Variants in BAHCC1 observed in about 807,000 individuals in gnomAD.
BAHCC1 encodes BAH domain and coiled-coil containing 1.
In BAHCC1, 43 loss-of-function variants were observed where a neutral mutation model predicts 88.2. The observed-to-expected ratio is 0.49, with a 90% confidence interval of 0.38 to 0.63. The LOEUF is 0.63. Ranked by LOEUF, BAHCC1 falls within the 20% of genes least tolerant of loss-of-function variation. The pLI is 0.00. For synonymous variants in BAHCC1, 1,510 were observed against 745.5 expected, an observed-to-expected ratio of 2.03 and a Z score of -16.71; for missense variants, 3,023 against 1,654.8, an observed-to-expected ratio of 1.83 and a Z score of -14.34.
intron 2 of BAHCC1, among the ~76,000 whole-genome samples, chr17:81,404,050 C>A (rs569784098): frequency 1.3e-5 from 2 of 152,228 alleles, no homozygotes; most frequent in Non-Finnish European, 2.9e-5. Context: ...GGAAAACGCG[C>A]GTCCCCCCAA....
chr17:81,460,488 C>T (rs781808163), intron 24 of BAHCC1, 42 bp from the exon 25 acceptor site: 7 of 728,868 alleles, frequency 9.6e-6, no homozygotes, highest in East Asian at 7.7e-5. Flanking sequence ...GCAGTCACCC[C>T]ACAGCCATGG....
intron 17 of BAHCC1, among the ~76,000 whole-genome samples, 196 bp downstream of exon 17, chr17:81,457,788 A>G (rs1357432264): frequency 1.1e-4 from 4 of 35,308 alleles, no homozygotes; most frequent in South Asian, 1.3e-3. Context: ...CAGGAGGGGG[A>G]GGGCAGGGGT....
rs781991684 is a variant in BAHCC1, at chr17:81,438,482, A to T, written c.471A>T (p.Gly157=). ...TCTATGGGCAGCACCGTTTCTATGGAACCCAAAAAGGCAAGTGCAGCATGG... is the reference window on the plus strand; with the variant it reads ...TCTATGGGCAGCACCGTTTCTATGGTACCCAAAAAGGCAAGTGCAGCATGG... The part of the protein sequence containing the change: ...NVLYGQHRFY[G]TQKDNFYLRN... Residue 157 remains glycine, a synonymous_variant, in exon 4 of 28, where the codon GGA becomes GGT. Coordinates refer to ENST00000675386, the MANE Select transcript of BAHCC1 (RefSeq NM_001377448.1). 1 of 771,372 alleles carries T rather than the reference A, an allele frequency of 1.3e-6. No individual in the cohort carries two copies. The highest frequency in any genetic ancestry group is 2.4e-6 in the Non-Finnish European group (1 of 414,116). The allele number at this position is 771,372 out of a possible 1,614,324, so 47.8% of individuals were successfully genotyped here.
rs2143687526 is a variant in BAHCC1 at position 81,465,292 on chromosome 17, G to C, written c.*1475G>C. ...TGCCACTTGGTGGGGCAGATGGCCTGATGGGCTAGTGCTTGGGGCATAGAA... is the reference window on the plus strand; with the variant it reads ...TGCCACTTGGTGGGGCAGATGGCCTCATGGGCTAGTGCTTGGGGCATAGAA... On this transcript the variant is annotated 3_prime_UTR_variant, in exon 28 of 28. Coordinates refer to ENST00000675386, the MANE Select transcript of BAHCC1 (RefSeq NM_001377448.1). The C allele has an allele frequency of 6.6e-6, 1 of 152,356 alleles. No homozygotes were observed. The highest frequency in any genetic ancestry group is 2.1e-4 in the South Asian group (1 of 4,836). 9.4% of individuals were successfully genotyped at this position (152,356 alleles called of 1,614,324 possible). A position where few individuals can be genotyped will look rare whatever the true frequency, so the allele number is the denominator to read the frequency against.
At chr17:81,403,786 C>T (rs3816662) in intron 2 of BAHCC1, among the ~76,000 whole-genome samples, 15,547 of 152,142 alleles carry the variant, frequency 0.1, 894 homozygotes, top group South Asian at 0.18. Context: ...AAAGTTGCCG[C>T]GAGCCCAAAG....
At chr17:81,429,365 AC>A (rs1197693732) in intron 3 of BAHCC1, among the ~76,000 whole-genome samples, 107 of 151,512 alleles carry the variant, frequency 7.1e-4, no homozygotes, top group African/African-American at 2.5e-3. Context: ...CAGTTGTCCC[AC>A]CCCCCGGGAT....
intron 10 of BAHCC1, among the ~76,000 whole-genome samples, chr17:81,446,396 G>C (rs2064527569): frequency 1.3e-5 from 2 of 151,088 alleles, no homozygotes. Context: ...CCCCTTTTCT[G>C]GTTACCCACA....
intron 1 of BAHCC1, chr17:81,396,907 C>G (rs1417435419): frequency 1.3e-5 from 2 of 152,310 alleles, no homozygotes; most frequent in Non-Finnish European, 2.9e-5. Flanking sequence ...TTACCTCAGC[C>G]CGACCTGGCG....
At chr17:81,427,173 A>G (rs2143415219) in intron 3 of BAHCC1, among the ~76,000 whole-genome samples, 194 bp downstream of exon 3, 1 of 152,270 alleles carries the variant, frequency 6.6e-6, no homozygotes, top group Admixed American at 6.5e-5. Flanking sequence ...GTTGGAAACA[A>G]GGGCAGCCTG....
chr17:81,465,741 A>C lies in BAHCC1; in HGVS notation c.*1924A>C, dbSNP rs1416080176. ...CTGGACCCCCTGAAGGGCCGTTCCCAGAGGCTCCCCAGGAGGCTCAAGGCT... is the reference window on the plus strand; with the variant it reads ...CTGGACCCCCTGAAGGGCCGTTCCCCGAGGCTCCCCAGGAGGCTCAAGGCT... On this transcript the variant is annotated 3_prime_UTR_variant, in exon 28 of 28. Coordinates refer to ENST00000675386, the MANE Select transcript of BAHCC1 (RefSeq NM_001377448.1). 1 of 152,262 alleles carries C rather than the reference A, an allele frequency of 6.6e-6. No individual in the cohort carries two copies. The highest frequency in any genetic ancestry group is 1.5e-5 in the Non-Finnish European group (1 of 68,068). The allele number at this position is 152,262 out of a possible 1,614,324, so 9.4% of individuals were successfully genotyped here.
intron 2 of BAHCC1, chr17:81,406,942 T>G (rs1326018168): frequency 1.1e-5 from 5 of 456,054 alleles, no homozygotes; most frequent in African/African-American, 1.0e-4. Flanking sequence ...AGGAAGTGGG[T>G]TTTTTTCATT....
intron 2 of BAHCC1, among the ~76,000 whole-genome samples, chr17:81,420,100 A>G (rs144312816): frequency 0.012 from 1,821 of 152,064 alleles, 12 homozygotes; most frequent in Non-Finnish European, 0.018. Context: ...CGGCTGCTGG[A>G]CCGACCCTTA....
Position 81,452,747 on chromosome 17 carries a change from T to G in BAHCC1, c.4341T>G (p.Pro1447=). ...GGAGAGACGAGAGTTCACGGAGCCC[T>G]GCACGGCGGGGGCCTGGCCGGCCGA... ...DHERDESSRS[P]ARRGPGRPRK... is the part of the protein sequence containing the mutation. The change falls in exon 14 of 28, where the codon CCT becomes CCG. Residue 1447 remains proline (P), a synonymous_variant. Transcript: ENST00000675386. The G allele has an allele frequency of 1.3e-6, 1 of 751,942 alleles. No homozygotes were observed. Among genetic ancestry groups the G allele is most frequent in the South Asian group, 1.4e-5 (1 of 71,602 alleles). The allele number at this position is 751,942 out of a possible 1,614,324, so 46.6% of individuals were successfully genotyped here.
At chr17:81,395,888 C>T (rs1567987487) in intron 1 of BAHCC1, 1 of 152,068 alleles carries the variant, frequency 6.6e-6, no homozygotes, top group Non-Finnish European at 1.5e-5. Context: ...AAAATTACCC[C>T]CGTAATGCAT....
At chr17:81,460,508 C>G in intron 24 of BAHCC1, 22 bp from the exon 25 acceptor site, 1 of 736,482 alleles carries the variant, frequency 1.4e-6, no homozygotes, top group Non-Finnish European at 2.5e-6. Flanking sequence ...GCACTGAAGC[C>G]CTTGGCCCAT....
rs2063950743 is a variant in BAHCC1, at chr17:81,411,497, TGCC to T, written c.178+11581_178+11583del. The T allele has an allele frequency of 3.2e-6, 1 of 309,006 alleles. No individual in the cohort carries two copies. The highest frequency in any genetic ancestry group is 3.7e-5 in the African/African-American group (1 of 27,212). 19.1% of individuals were successfully genotyped at this position (309,006 alleles called of 1,614,324 possible). A position where few individuals can be genotyped will look rare whatever the true frequency, so the allele number is the denominator to read the frequency against. ...ACCCCTGCCTGCCTGCCTGCCTGCC[TGCC>T]TGCCTGCCTGCCTGCCTTCCTTCCT... On this transcript the variant is annotated intron_variant, in intron 2 of 27. Coordinates refer to ENST00000675386, the MANE Select transcript of BAHCC1 (RefSeq NM_001377448.1). This position sits in a 1 kb window ranked among gnomAD's most constrained non-coding sequence, Gnocchi z 6.2.
chr17:81,418,850 A>T (rs1486390427), intron 2 of BAHCC1, among the ~76,000 whole-genome samples: 3 of 104,456 alleles, frequency 2.9e-5, no homozygotes, highest in African/African-American at 9.3e-5. Context: ...CATCCCAGAC[A>T]TGTAGCACAG....
intron 3 of BAHCC1, among the ~76,000 whole-genome samples, chr17:81,436,269 G>T (rs1205029290): frequency 1.3e-5 from 2 of 152,218 alleles, no homozygotes; most frequent in Non-Finnish European, 2.9e-5. Flanking sequence ...GGGGCCACCA[G>T]CCAAGGCCCA....
intron 3 of BAHCC1, among the ~76,000 whole-genome samples, chr17:81,429,811 C>G (rs2064239863): frequency 6.6e-6 from 1 of 152,180 alleles, no homozygotes; most frequent in Admixed American, 6.5e-5. Context: ...GGCAGGCCAC[C>G]AGGAACCCAG....
Sources: allele counts gnomAD v4.1 joint callset (sites outside exome capture counted in the v4.1 genomes callset), GRCh38; gene constraint gnomAD v4.1.1; non-coding constraint Gnocchi (gnomAD v3.1); transcripts MANE v1.5; gene names NCBI Gene and HGNC (gene_info 2026-07-23, HGNC 2026-07-21).